Variants in LDLRAD4 observed in about 807,000 individuals in gnomAD.
LDLRAD4 encodes low-density lipoprotein receptor class A domain-containing protein 4.
A neutral mutation model predicts 17.0 loss-of-function variants in LDLRAD4; 5 were observed. The observed-to-expected ratio is 0.29, with a 90% CI of 0.15 to 0.62. The LOEUF is 0.62. LDLRAD4 is among the 20% of genes least tolerant of loss of function. LDLRAD4 has a pLI of 0.84. For synonymous variants in LDLRAD4, 168 were observed against 171.8 expected, an observed-to-expected ratio of 0.98 and a Z score of 0.17; for missense variants, 340 against 424.7, an observed-to-expected ratio of 0.80 and a Z score of 1.75.
At chr18:13,373,536 A>G (rs1449593886) in intron 1 of LDLRAD4, among the ~76,000 whole-genome samples, 1 of 152,292 alleles carries the variant, frequency 6.6e-6, no homozygotes. Context: ...TATTTTTTCA[A>G]GTAAGCTTAT....
At chr18:13,623,447 G>A (rs534187492) in intron 4 of LDLRAD4, among the ~76,000 whole-genome samples, 11 of 152,338 alleles carry the variant, frequency 7.2e-5, no homozygotes, top group Admixed American at 1.3e-4. Flanking sequence ...AGATCCGGCT[G>A]CACCGAGCTA....
chr18:13,602,230 C>A (rs2095171591), intron 3 of LDLRAD4, among the ~76,000 whole-genome samples: 1 of 152,098 alleles, frequency 6.6e-6, no homozygotes, highest in African/African-American at 2.4e-5. Context: ...GTCTTGGAGA[C>A]AAGATCAATA....
chr18:13,545,978 C>T lies in LDLRAD4; in HGVS notation c.182-75139C>T, dbSNP rs374518064. ...TAGCAGCAGCAGTGAAGGATAGGGT[C>T]GGGATGCAGTGTTCATAACTGTGGG... On this transcript the variant is annotated intron_variant, in intron 3 of 5. Transcript: ENST00000359446. 1.3e-4 allele frequency among the ~76,000 whole-genome samples: 20 copies of T among 152,242 alleles called. No individual in the cohort carries two copies. The East Asian group carries it at 3.1e-3, about 24-fold the overall frequency.
chr18:13,518,509 C>T (rs1238875596), intron 3 of LDLRAD4, among the ~76,000 whole-genome samples: 1 of 152,236 alleles, frequency 6.6e-6, no homozygotes, highest in African/African-American at 2.4e-5. Flanking sequence ...TCTGGTATTT[C>T]CCACATCTGA....
At chr18:13,441,150 G>T (rs2090997920) in intron 3 of LDLRAD4, among the ~76,000 whole-genome samples, 1 of 152,210 alleles carries the variant, frequency 6.6e-6, no homozygotes, top group Non-Finnish European at 1.5e-5. Flanking sequence ...CCAGAGGGTG[G>T]CCTCGTATTG....
intron 3 of LDLRAD4, among the ~76,000 whole-genome samples, chr18:13,467,835 A>G (rs75196318): frequency 0.071 from 10,837 of 152,248 alleles, 957 homozygotes; most frequent in African/African-American, 0.21. Flanking sequence ...CCACACAGCT[A>G]TGGCTGGATG....
intron 2 of LDLRAD4, among the ~76,000 whole-genome samples, chr18:13,428,859 G>A (rs1402040709): frequency 6.6e-6 from 1 of 152,166 alleles, no homozygotes; most frequent in Non-Finnish European, 1.5e-5. Flanking sequence ...ATTTGGCCTT[G>A]GACATAGTAA....
chr18:13,340,125 A>T (rs557371126), intron 1 of LDLRAD4, among the ~76,000 whole-genome samples: 16 of 152,142 alleles, frequency 1.1e-4, no homozygotes, highest in African/African-American at 3.9e-4. Flanking sequence ...CTGAATGAAA[A>T]CTCACTGTAT....
At chr18:13,586,176 G>A (rs1399359327) in intron 3 of LDLRAD4, among the ~76,000 whole-genome samples, 1 of 152,020 alleles carries the variant, frequency 6.6e-6, no homozygotes, top group African/African-American at 2.4e-5. Flanking sequence ...GGGAGGACAA[G>A]GCAGGCAGCT....
chr18:13,612,656 G>GT (rs2039696616), intron 3 of LDLRAD4: 1 of 1,613,158 alleles, frequency 6.2e-7, no homozygotes, highest in African/African-American at 1.3e-5. Flanking sequence ...TGCTTTGAAC[G>GT]TGGGGGGGCT....
intron 2 of LDLRAD4, among the ~76,000 whole-genome samples, chr18:13,431,138 CAT>C: frequency 6.6e-6 from 1 of 152,122 alleles, no homozygotes; most frequent in Non-Finnish European, 1.5e-5. Flanking sequence ...ATTATAAAAT[CAT>C]ATATAAAATC....
intron 2 of LDLRAD4, among the ~76,000 whole-genome samples, chr18:13,411,156 G>GT (rs1317485883): frequency 6.6e-6 from 1 of 151,912 alleles, no homozygotes; most frequent in Non-Finnish European, 1.5e-5. Flanking sequence ...GGAAGCTGAG[G>GT]TAGGAGGATC....
At chr18:13,262,064 CTG>C (rs1367027205) in intron 1 of LDLRAD4, among the ~76,000 whole-genome samples, 2 of 114,762 alleles carry the variant, frequency 1.7e-5, no homozygotes, top group Non-Finnish European at 3.9e-5. Context: ...CCGTGCGGCT[CTG>C]TGCGTGGAAA....
At chr18:13,601,782 C>T (rs2095166270) in intron 3 of LDLRAD4, among the ~76,000 whole-genome samples, 2 of 152,138 alleles carry the variant, frequency 1.3e-5, no homozygotes, top group South Asian at 4.1e-4. Context: ...AATAGAACTA[C>T]CATTCCACCC....
chr18:13,327,469 A>C (rs1160256600), intron 1 of LDLRAD4, among the ~76,000 whole-genome samples: 1 of 152,168 alleles, frequency 6.6e-6, no homozygotes, highest in Non-Finnish European at 1.5e-5. Flanking sequence ...AGAGGGGGTC[A>C]TTGTTGAAGA....
chr18:13,586,063 C>T (rs1170546650), intron 3 of LDLRAD4, among the ~76,000 whole-genome samples: 1 of 152,074 alleles, frequency 6.6e-6, no homozygotes, highest in East Asian at 1.9e-4. Context: ...TGGCAGACTC[C>T]TTGAGGCTAA....
At chr18:13,403,255 T>G (rs1346900955) in intron 2 of LDLRAD4, among the ~76,000 whole-genome samples, 1 of 152,214 alleles carries the variant, frequency 6.6e-6, no homozygotes, top group Non-Finnish European at 1.5e-5. Flanking sequence ...AAGTTTCTTT[T>G]TTAAAGTAAG....
chr18:13,564,649 G>C (rs769539132), intron 3 of LDLRAD4, among the ~76,000 whole-genome samples: 2 of 150,542 alleles, frequency 1.3e-5, no homozygotes, highest in Non-Finnish European at 2.9e-5. Context: ...GAGTCGTGGC[G>C]AGTGCGGCAG....
At chr18:13,377,813 G>C (rs911708772) in intron 1 of LDLRAD4, among the ~76,000 whole-genome samples, 1 of 152,170 alleles carries the variant, frequency 6.6e-6, no homozygotes, top group Non-Finnish European at 1.5e-5. Context: ...AGCCTCGCAG[G>C]CCCATCCCAG....
Sources: gnomAD v4.1 joint callset for allele counts (sites outside exome capture counted in the v4.1 genomes callset) on GRCh38, gnomAD v4.1.1 for gene constraint, MANE v1.5 for transcripts, NCBI Gene and HGNC (gene_info 2026-07-23, HGNC 2026-07-21) for gene names.